Variants in TMEM18 observed in about 807,000 individuals in gnomAD.
TMEM18 encodes the protein transmembrane protein 18.
In TMEM18, 14 loss-of-function variants were observed where a neutral mutation model predicts 17.4. The ratio of observed to expected loss-of-function variants is 0.80; its 90% CI spans 0.53 to 1.25. TMEM18 has a LOEUF of 1.25. Among genes scored for constraint, TMEM18 ranks in the 50% most tolerant of loss-of-function variants. TMEM18 has a pLI of 0.00. For synonymous variants in TMEM18, 86 were observed against 66.1 expected, an observed-to-expected ratio of 1.30 and a Z score of -1.46; for missense variants, 187 against 172.1, an observed-to-expected ratio of 1.09 and a Z score of -0.48.
At chr2:672,100 T>C (rs1678864619) in intron 3 of TMEM18, among the ~76,000 whole-genome samples, 1 of 152,152 alleles carries the variant, frequency 6.6e-6, no homozygotes, top group Non-Finnish European at 1.5e-5. Flanking sequence ...AGATCAGTGT[T>C]CAGGGCTTAT....
rs984608859 is a variant in TMEM18 at position 665,049 on chromosome 2, T to C, written c.*4531A>G. Among the ~76,000 whole-genome samples the C allele has an allele frequency of 6.6e-6, 1 of 152,192 alleles. No homozygotes were observed. The highest frequency in any genetic ancestry group is 1.5e-5 in the Non-Finnish European group (1 of 68,042). On this transcript the variant is annotated 3_prime_UTR_variant, in exon 5 of 5. Coordinates refer to ENST00000281017, the MANE Select transcript of TMEM18 (RefSeq NM_152834.4). ...TTTCTCCTGTTCCAAAGATATCCAATGTTATATAAGAAATAACCAAACATG... is the reference window on the plus strand; with the variant it reads ...TTTCTCCTGTTCCAAAGATATCCAACGTTATATAAGAAATAACCAAACATG...
chr2:671,939 A>G (rs12714416), intron 3 of TMEM18, among the ~76,000 whole-genome samples: 103,703 of 142,816 alleles, frequency 0.73, 38,390 homozygotes, highest in East Asian at 0.84. Context: ...GGGCAGAGAC[A>G]GTGCTGCAGG....
At position 664,200 on chromosome 2, in the gene TMEM18, G is replaced by T. The variant is rs911824074; in HGVS notation, c.*5380C>A. On this transcript the variant is annotated 3_prime_UTR_variant, in exon 5 of 5. Coordinates refer to ENST00000281017, the MANE Select transcript of TMEM18 (RefSeq NM_152834.4). ...AGGATGGCACAATGTGTTTGTCGTT[G>T]TAACTTGTTTAAACTAACTTCACTG... Among the ~76,000 whole-genome samples, 1 of 152,246 alleles carries T rather than the reference G, an allele frequency of 6.6e-6. No individual in the cohort carries two copies. Among genetic ancestry groups the T allele is most frequent in the African/African-American group, 2.4e-5 (1 of 41,462 alleles).
In TMEM18 at chr2:675,898, A is replaced by T. The variant is rs969562260; in HGVS notation, c.58-268T>A. The T allele has an allele frequency of 6.1e-6, 9 of 1,464,004 alleles. No homozygotes were observed. The African/African-American group carries it at 1.3e-4, about 20-fold the overall frequency. 90.7% of individuals were successfully genotyped at this position (1,464,004 alleles called of 1,614,324 possible). A position where few individuals can be genotyped will look rare whatever the true frequency, so the allele number is the denominator to read the frequency against. ...TCAAAGTTCAAGCACACAGAACTGAAGGCATCTCTGATGTGCTCCTTTCGT... is the reference window on the plus strand; with the variant it reads ...TCAAAGTTCAAGCACACAGAACTGATGGCATCTCTGATGTGCTCCTTTCGT... On this transcript the variant is annotated intron_variant, in intron 1 of 4. Coordinates refer to ENST00000281017, the MANE Select transcript of TMEM18 (RefSeq NM_152834.4).
rs539275265 is a variant in TMEM18 at position 668,545 on chromosome 2, T to G, written c.*1035A>C. 2.6e-4 allele frequency: 39 copies of G among 152,358 alleles called. No homozygotes were observed. Among genetic ancestry groups the G allele is most frequent in the African/African-American group, 9.4e-4 (39 of 41,578 alleles). The allele number at this position is 152,358 out of a possible 1,614,324, so 9.4% of individuals were successfully genotyped here. On this transcript the variant is annotated 3_prime_UTR_variant, in exon 5 of 5. Transcript: ENST00000281017. ...CTGTTCCAATTACATTTTGAATTGG[T>G]AACTTTCAGAAATGCACAATTAGGC... is the stretch of plus-strand genomic sequence containing the variant.
rs1678678784 is a variant in TMEM18 at position 665,986 on chromosome 2, G to A, written c.*3594C>T. On this transcript the variant is annotated 3_prime_UTR_variant, in exon 5 of 5. Coordinates refer to ENST00000281017, the MANE Select transcript of TMEM18 (RefSeq NM_152834.4). ...ATGCGGATGCCCAGCTCACTCGGAT[G>A]GAGTATTAACCCCATGTACAACAGA... Among the ~76,000 whole-genome samples the A allele has an allele frequency of 6.6e-6, 1 of 150,384 alleles. No individual in the cohort carries two copies.
rs1346427739 is a variant in TMEM18 at position 665,763 on chromosome 2, C to T, written c.*3817G>A. On this transcript the variant is annotated 3_prime_UTR_variant, in exon 5 of 5. Transcript: ENST00000281017. ...CACTCACTCAGATGGAGCATCAACC[C>T]CACACACAACAGGACCCAGAGATGC... is the stretch of plus-strand genomic sequence containing the variant. 2.0e-5 allele frequency among the ~76,000 whole-genome samples: 3 copies of T among 151,422 alleles called. No homozygotes were observed. Among genetic ancestry groups the T allele is most frequent in the African/African-American group, 7.3e-5 (3 of 41,116 alleles).
rs1363319693 is a variant in TMEM18 at position 669,440 on chromosome 2, A to G, written c.*140T>C. 1.2e-6 allele frequency: 1 copy of G among 838,930 alleles called. No homozygotes were observed. 52.0% of individuals were successfully genotyped at this position (838,930 alleles called of 1,614,324 possible). ...AAAAGCCAACTTCAGTGTGTGCCCTACCACTGTGGATATTTAAATAAAACA... is the reference window on the plus strand; with the variant it reads ...AAAAGCCAACTTCAGTGTGTGCCCTGCCACTGTGGATATTTAAATAAAACA... On this transcript the variant is annotated 3_prime_UTR_variant, in exon 5 of 5. Transcript: ENST00000281017.
At chr2:675,319 C>CT (rs1222710489) in intron 2 of TMEM18, among the ~76,000 whole-genome samples, 191 bp downstream of exon 2, 1 of 152,240 alleles carries the variant, frequency 6.6e-6, no homozygotes, top group Non-Finnish European at 1.5e-5. Context: ...CCTCTCAACT[C>CT]TAACATCCAA....
Position 676,584 on chromosome 2 carries a change from G to A in TMEM18, c.57+705C>T, listed in dbSNP as rs565562431. On this transcript the variant is annotated intron_variant, in intron 1 of 4. Transcript: ENST00000281017. Reference sequence around the variant, plus strand: ...CATCAATGCACCCACCAGAAGACCAGAGGCACGGAGGTGAGGGGAGCACGG... The same window carrying A: ...CATCAATGCACCCACCAGAAGACCAAAGGCACGGAGGTGAGGGGAGCACGG... The A allele has an allele frequency of 5.7e-4, 877 of 1,550,518 alleles. 5 individuals are homozygous for A. In the African/African-American group the frequency reaches 0.011, roughly 19 times the overall value.
intron 3 of TMEM18, chr2:670,146 G>A: frequency 2.9e-6 from 1 of 343,508 alleles, no homozygotes; most frequent in Non-Finnish European, 5.3e-6. Context: ...AAGCCCTCTG[G>A]GTCATCAGCA....
At position 677,395 on chromosome 2, in the gene TMEM18, G is replaced by C; in HGVS notation, c.-50C>G. 1 of 1,596,842 alleles carries C rather than the reference G, an allele frequency of 6.3e-7. No homozygotes were observed. Among genetic ancestry groups the C allele is most frequent in the Non-Finnish European group, 8.5e-7 (1 of 1,173,044 alleles). ...GCAACCGCCGAACCCGGCCTGGCCA[G>C]AATCCACAGAGGAGGGCGCCAAATC... On this transcript the variant is annotated 5_prime_UTR_variant, in exon 1 of 5. Transcript: ENST00000281017.
chr2:676,680 G>C, intron 1 of TMEM18: 1 of 1,537,188 alleles, frequency 6.5e-7, no homozygotes, highest in Non-Finnish European at 8.8e-7. Context: ...GCTCCCCTGG[G>C]ATCTGTCAGA....
chr2:676,082 C>G (rs1337843547), intron 1 of TMEM18: 2 of 1,321,556 alleles, frequency 1.5e-6, no homozygotes, highest in Non-Finnish European at 2.0e-6. Context: ...CATGAATCAT[C>G]ATTTCAGACT....
At chr2:674,616 C>T (rs1200131582) in intron 2 of TMEM18, among the ~76,000 whole-genome samples, 1 of 152,264 alleles carries the variant, frequency 6.6e-6, no homozygotes, top group Non-Finnish European at 1.5e-5. Flanking sequence ...GAGCGCCTCA[C>T]TTGCATAGGC....
chr2:674,149 G>A (rs1179223862), intron 2 of TMEM18, among the ~76,000 whole-genome samples: 1 of 152,190 alleles, frequency 6.6e-6, no homozygotes. Flanking sequence ...GTAATGGCAG[G>A]CAGCACAGTG....
chr2:675,414 T>A (rs889828487), intron 2 of TMEM18, 96 bp downstream of exon 2: 17 of 1,563,804 alleles, frequency 1.1e-5, no homozygotes, highest in African/African-American at 1.3e-5. Flanking sequence ...GGAGGTCTTG[T>A]AAAAATATGT....
At chr2:675,855 A>G (rs1678990655) in intron 1 of TMEM18, 2 of 1,510,542 alleles carry the variant, frequency 1.3e-6, no homozygotes, top group Admixed American at 2.0e-5. Context: ...CCCTCAGTGC[A>G]ACTATAATTC....
intron 1 of TMEM18, chr2:676,644 C>T: frequency 6.5e-7 from 1 of 1,549,770 alleles, no homozygotes; most frequent in African/African-American, 1.4e-5. Context: ...GCCCATGTCA[C>T]CCCTTGGCGG....
Sources: allele counts gnomAD v4.1 joint callset (sites outside exome capture counted in the v4.1 genomes callset), GRCh38; gene constraint gnomAD v4.1.1; transcripts MANE v1.5; gene names NCBI Gene and HGNC (gene_info 2026-07-23, HGNC 2026-07-21).